FANK1: variants seen among roughly 807,000 people sequenced by gnomAD.
FANK1 encodes fibronectin type 3 and ankyrin repeat domains protein 1.
In FANK1, 44 loss-of-function variants were observed where a neutral mutation model predicts 45.3. The ratio of observed to expected loss-of-function variants is 0.97; its 90% CI spans 0.76 to 1.25. The LOEUF (loss-of-function observed/expected upper bound fraction) is 1.25, where lower values mean the gene tolerates loss of function less well. FANK1 is among the 50% of genes most tolerant of loss of function. FANK1 has a pLI of 0.00. For missense variants in FANK1, 391 were observed against 424.4 expected (o/e 0.92, Z 0.69); for synonymous variants, 149 against 152.5 (o/e 0.98, Z 0.17).
rs12411612 is a variant in FANK1 at position 125,997,444 on chromosome 10, T to A, written c.498T>A (p.Asn166Lys). 6.2e-7 allele frequency: 1 copy of A among 1,613,894 alleles called. No homozygotes were observed. Among genetic ancestry groups the A allele is most frequent in the South Asian group, 1.1e-5 (1 of 91,042 alleles). Residue 166 changes from asparagine to lysine, a missense_variant, in exon 6 of 11, where the codon AAT becomes AAA. Transcript: ENST00000368693. ...YTRLVKILVS[N>K]GTDVNLKNGS... is the part of the protein sequence containing the mutation. Reference sequence around the variant, plus strand: ...GGCTTGTGAAAATCCTAGTTTCTAATGGCACAGACGTGAATCTGAAGAATG... The same window carrying A: ...GGCTTGTGAAAATCCTAGTTTCTAAAGGCACAGACGTGAATCTGAAGAATG...
At chr10:125,900,930 G>A (rs112861279) in intron 1 of FANK1, among the ~76,000 whole-genome samples, 5 of 152,066 alleles carry the variant, frequency 3.3e-5, no homozygotes, top group East Asian at 1.9e-4. Flanking sequence ...GATTATAGGC[G>A]TGTGCCACTG....
chr10:125,994,850 C>A (rs202059771), intron 3 of FANK1: 1 of 985,220 alleles, frequency 1.0e-6, no homozygotes, highest in Non-Finnish European at 1.2e-6. Flanking sequence ...CCTGGGTCTT[C>A]GCTGGTTGGC....
At chr10:126,001,756 G>A (rs529477040) in intron 6 of FANK1, among the ~76,000 whole-genome samples, 2 of 152,270 alleles carry the variant, frequency 1.3e-5, no homozygotes, top group East Asian at 3.9e-4. Flanking sequence ...GTAAGTTCAG[G>A]GCTGTGCCTA....
intron 1 of FANK1, among the ~76,000 whole-genome samples, chr10:125,955,112 T>A (rs1045045389): frequency 2.6e-5 from 4 of 151,652 alleles, no homozygotes; most frequent in African/African-American, 9.7e-5. Context: ...TTTTTTTTTT[T>A]AATCTTCAAC....
intron 1 of FANK1, among the ~76,000 whole-genome samples, chr10:125,903,780 T>A (rs111415784): frequency 2.6e-5 from 4 of 152,148 alleles, no homozygotes; most frequent in African/African-American, 9.7e-5. Flanking sequence ...ATTGCTAGTT[T>A]AGTGTATTAC....
intron 2 of FANK1, among the ~76,000 whole-genome samples, chr10:125,982,697 G>A (rs766592514): frequency 6.6e-6 from 1 of 152,162 alleles, no homozygotes; most frequent in Non-Finnish European, 1.5e-5. Context: ...AGTCTATCTG[G>A]AAACAATGAT....
intron 1 of FANK1, among the ~76,000 whole-genome samples, chr10:125,925,733 C>A (rs1312001641): frequency 1.3e-5 from 2 of 150,760 alleles, no homozygotes. Context: ...TAAAATCATT[C>A]AATATCTTTG....
At chr10:125,988,012 C>T (rs1951680430) in intron 2 of FANK1, among the ~76,000 whole-genome samples, 1 of 152,214 alleles carries the variant, frequency 6.6e-6, no homozygotes, top group African/African-American at 2.4e-5. Flanking sequence ...GACCATGGGG[C>T]ATGATGTTAG....
intron 1 of FANK1, among the ~76,000 whole-genome samples, chr10:125,950,505 C>T (rs993883672): frequency 6.6e-6 from 1 of 152,006 alleles, no homozygotes; most frequent in African/African-American, 2.4e-5. Context: ...AGCCAAAAAA[C>T]ACATGAAAAA....
At chr10:125,964,271 C>T (rs1950094692) in intron 1 of FANK1, among the ~76,000 whole-genome samples, 1 of 144,834 alleles carries the variant, frequency 6.9e-6, no homozygotes, top group Non-Finnish European at 1.5e-5. Context: ...CTGCTCGCTG[C>T]AACCTCCACC....
At chr10:125,978,866 C>G (rs1314770720) in intron 1 of FANK1, among the ~76,000 whole-genome samples, 2 of 152,164 alleles carry the variant, frequency 1.3e-5, no homozygotes, top group Non-Finnish European at 2.9e-5. Context: ...CATCCTCTTT[C>G]CTAAGTGTAT....
At chr10:125,961,431 G>T (rs11244730) in intron 1 of FANK1, among the ~76,000 whole-genome samples, 49,122 of 152,010 alleles carry the variant, frequency 0.32, 8,217 homozygotes, top group East Asian at 0.46. Flanking sequence ...TTTGACAAAG[G>T]CAGCAAGAAT....
chr10:125,973,364 T>C, intron 1 of FANK1: 1 of 903,164 alleles, frequency 1.1e-6, no homozygotes, highest in Non-Finnish European at 1.3e-6. Flanking sequence ...TCCTGGTGTT[T>C]GGTTTTAGTG....
chr10:125,911,207 A>G (rs4262644), intron 1 of FANK1, among the ~76,000 whole-genome samples: 120,141 of 151,978 alleles, frequency 0.79, 47,880 homozygotes, highest in South Asian at 0.85. Context: ...GGAAGAAGAA[A>G]CGTCAGACTC....
At chr10:125,924,851 A>G (rs1947235818) in intron 1 of FANK1, among the ~76,000 whole-genome samples, 1 of 152,242 alleles carries the variant, frequency 6.6e-6, no homozygotes, top group Non-Finnish European at 1.5e-5. Context: ...CCCCTTATGA[A>G]TGGATTTAAT....
chr10:125,949,561 T>A (rs1001765052), intron 1 of FANK1, among the ~76,000 whole-genome samples: 9 of 150,538 alleles, frequency 6.0e-5, no homozygotes, highest in African/African-American at 1.9e-4. Context: ...TTACAAGGGA[T>A]GTGAAGGACC....
chr10:125,949,504 C>T (rs889762425), intron 1 of FANK1, among the ~76,000 whole-genome samples: 25 of 152,096 alleles, frequency 1.6e-4, no homozygotes, highest in African/African-American at 6.0e-4. Context: ...TGAGTGAACT[C>T]CCATTCCCAA....
chr10:125,980,441 A>T, intron 2 of FANK1, 103 bp downstream of exon 2: 1 of 1,272,644 alleles, frequency 7.9e-7, no homozygotes, highest in Non-Finnish European at 1.1e-6. Flanking sequence ...AAATTAAAGA[A>T]TGAGTCAGCA....
intron 7 of FANK1, among the ~76,000 whole-genome samples, 164 bp from the exon 8 acceptor site, chr10:126,008,243 C>G (rs1953382790): frequency 6.6e-6 from 1 of 152,148 alleles, no homozygotes; most frequent in African/African-American, 2.4e-5. Context: ...TGGGGCCTCT[C>G]AGCACCAAAA....
Sources: gnomAD v4.1 joint callset for allele counts (sites outside exome capture counted in the v4.1 genomes callset) on GRCh38, gnomAD v4.1.1 for gene constraint, MANE v1.5 for transcripts, NCBI Gene and HGNC (gene_info 2026-07-23, HGNC 2026-07-21) for gene names.